Variants in PLCZ1 observed in about 807,000 individuals in gnomAD.
PLCZ1 encodes the protein 1-phosphatidylinositol 4,5-bisphosphate phosphodiesterase zeta-1.
In PLCZ1, 64 loss-of-function variants were observed where a neutral mutation model predicts 76.8. The ratio of observed to expected loss-of-function variants is 0.83; its 90% CI spans 0.68 to 1.03. The LOEUF (loss-of-function observed/expected upper bound fraction) is 1.03, where lower values mean the gene tolerates loss of function less well. PLCZ1 is among the 50% of genes least tolerant of loss of function. PLCZ1 has a pLI of 0.00. For synonymous variants in PLCZ1, 248 were observed against 230.8 expected, an observed-to-expected ratio of 1.07 and a Z score of -0.68; for missense variants, 751 against 713.7, an observed-to-expected ratio of 1.05 and a Z score of -0.60.
intron 4 of PLCZ1, among the ~76,000 whole-genome samples, chr12:18,721,290 A>T (rs5025416): frequency 0.44 from 66,937 of 151,512 alleles, 17,557 homozygotes; most frequent in East Asian, 0.66. Flanking sequence ...TCACATACCA[A>T]TGAGGGATGA....
At chr12:18,691,672 T>C (rs1314369900) in intron 12 of PLCZ1, among the ~76,000 whole-genome samples, 1 of 152,134 alleles carries the variant, frequency 6.6e-6, no homozygotes, top group African/African-American at 2.4e-5. Flanking sequence ...TTTTACCAGA[T>C]CAACTACAAA....
the PLCZ1 span, among the ~76,000 whole-genome samples, chr12:18,675,982 G>C: frequency 6.6e-6 from 1 of 151,592 alleles, no homozygotes; most frequent in African/African-American, 2.4e-5. Context: ...CAGGTAACAA[G>C]CCTGAACATA....
chr12:18,670,602 C>CA, the PLCZ1 span, among the ~76,000 whole-genome samples: 1 of 152,158 alleles, frequency 6.6e-6, no homozygotes, highest in African/African-American at 2.4e-5. Context: ...TTCGTTTCTG[C>CA]ATATAAAGCA....
At chr12:18,649,470 C>A in the PLCZ1 span, among the ~76,000 whole-genome samples, 1 of 152,058 alleles carries the variant, frequency 6.6e-6, no homozygotes, top group Admixed American at 6.6e-5. Flanking sequence ...TTCTGGACAC[C>A]ATGCAACCAT....
chr12:18,699,572 C>A (rs570186862), intron 10 of PLCZ1, among the ~76,000 whole-genome samples: 2 of 152,180 alleles, frequency 1.3e-5, no homozygotes, highest in East Asian at 3.9e-4. Context: ...ATCGGACATT[C>A]TCAATCAAAA....
At chr12:18,728,364 T>G (rs1408643952) in intron 3 of PLCZ1, among the ~76,000 whole-genome samples, 8 of 152,198 alleles carry the variant, frequency 5.3e-5, no homozygotes, top group Admixed American at 6.5e-5. Context: ...ACCTAATCAG[T>G]GTCTACATTA....
At chr12:18,733,695 T>C (rs1252763830) in intron 3 of PLCZ1, among the ~76,000 whole-genome samples, 1 of 152,180 alleles carries the variant, frequency 6.6e-6, no homozygotes, top group Non-Finnish European at 1.5e-5. Context: ...ATATCCAGTT[T>C]TCCCAATGCC....
At chr12:18,695,965 C>G (rs1299047798) in intron 11 of PLCZ1, among the ~76,000 whole-genome samples, 185 bp downstream of exon 11, 3 of 152,084 alleles carry the variant, frequency 2.0e-5, no homozygotes, top group Non-Finnish European at 1.5e-5. Flanking sequence ...ATTTACCCCG[C>G]TTCAACCCAG....
chr12:18,684,214 G>A lies in PLCZ1; in HGVS notation c.1657C>T (p.Arg553Cys), dbSNP rs1424048703. ...IIHVPELALI[R>C]FVVEGQGLIA... The stretch of plus-strand genomic sequence containing the variant: ...AAACCTTGACCTTCAACAACAAAAC[G>A]TATCAATGCCAATTCTGGGACATGA... The change falls in exon 14 of 15, where the codon CGT (arginine) becomes TGT (cysteine). Residue 553 changes from arginine to cysteine, a missense_variant. Arg to Cys is a radical substitution (Grantham distance 180). Transcript: ENST00000266505. 1.1e-5 allele frequency: 17 copies of A among 1,611,576 alleles called. No individual in the cohort carries two copies. Among genetic ancestry groups the A allele is most frequent in the African/African-American group, 9.4e-5 (7 of 74,856 alleles).
At chr12:18,702,785 C>T (rs989091315) in intron 7 of PLCZ1, among the ~76,000 whole-genome samples, 2 of 150,520 alleles carry the variant, frequency 1.3e-5, no homozygotes, top group Admixed American at 6.6e-5. Flanking sequence ...AATTCTTTTA[C>T]ACACAAGGAC....
chr12:18,664,827 A>G, the PLCZ1 span, among the ~76,000 whole-genome samples: 1 of 151,722 alleles, frequency 6.6e-6, no homozygotes, highest in Admixed American at 6.6e-5. Flanking sequence ...CTATGCAGCC[A>G]CAAAAAATGA....
intron 3 of PLCZ1, among the ~76,000 whole-genome samples, chr12:18,730,272 T>G (rs1958970247): frequency 1.3e-5 from 2 of 152,128 alleles, no homozygotes; most frequent in African/African-American, 4.8e-5. Context: ...TTGAAGCAAG[T>G]GAGTTGAATG....
Position 18,723,484 on chromosome 12 carries a change from C to T in PLCZ1, c.194G>A (p.Arg65Gln), listed in dbSNP as rs779427460. The T allele has an allele frequency of 5.0e-6, 8 of 1,612,814 alleles. No homozygotes were observed. Among genetic ancestry groups the T allele is most frequent in the South Asian group, 3.3e-5 (3 of 91,044 alleles). Residue 65 changes from arginine (R) to glutamine (Q), a missense_variant, in exon 4 of 15, where the codon CGA becomes CAA. Transcript: ENST00000266505. ...AATTTCTTCTCTGTGCGTGATAATTCGATAAATTGCTCTAAATTCTTCTAT... is the reference window on the plus strand; with the variant it reads ...AATTTCTTCTCTGTGCGTGATAATTTGATAAATTGCTCTAAATTCTTCTAT... ...ITIEEFRAIY[R>Q]IITHREEIIE...
At chr12:18,723,930 T>G (rs1484907300) in intron 3 of PLCZ1, among the ~76,000 whole-genome samples, 6 of 152,108 alleles carry the variant, frequency 3.9e-5, no homozygotes, top group Admixed American at 2.0e-4. Flanking sequence ...TCAGACACAT[T>G]CAAGATCAAT....
intron 12 of PLCZ1, among the ~76,000 whole-genome samples, chr12:18,694,467 A>G (rs1954640933): frequency 6.6e-6 from 1 of 152,134 alleles, no homozygotes; most frequent in African/African-American, 2.4e-5. Context: ...TCACAGACAT[A>G]TGGGGGGAAG....
At position 18,706,002 on chromosome 12, in the gene PLCZ1, G is replaced by C. The variant is rs1254024893; in HGVS notation, c.715-687C>G. Among the ~76,000 whole-genome samples, 3 of 151,976 alleles carry C rather than the reference G, an allele frequency of 2.0e-5. No individual in the cohort carries two copies. In the South Asian group the frequency reaches 6.2e-4, roughly 32 times the overall value. ...AGCACTTTGGGAGGCCGAGGCGGGT[G>C]GATCACCTGGGGTCAGGAGTTCGAG... is the stretch of plus-strand genomic sequence containing the variant. On this transcript the variant is annotated intron_variant, in intron 6 of 14. Transcript: ENST00000266505.
the PLCZ1 span, among the ~76,000 whole-genome samples, chr12:18,652,683 G>T: frequency 3.3e-5 from 5 of 152,046 alleles, no homozygotes; most frequent in African/African-American, 9.7e-5. Flanking sequence ...ACCAGTACAA[G>T]AAAAGCAAGG....
At chr12:18,710,152 T>A (rs771005150) in intron 6 of PLCZ1, among the ~76,000 whole-genome samples, 2 of 149,490 alleles carry the variant, frequency 1.3e-5, no homozygotes, top group Admixed American at 6.8e-5. Context: ...TAGAAAGCAT[T>A]GCATTTTGTC....
At chr12:18,668,107 T>C in the PLCZ1 span, among the ~76,000 whole-genome samples, 5 of 152,230 alleles carry the variant, frequency 3.3e-5, no homozygotes, top group African/African-American at 1.2e-4. Flanking sequence ...TGTCTTTTTC[T>C]TAGCCCCAAC....
Sources: allele counts gnomAD v4.1 joint callset (sites outside exome capture counted in the v4.1 genomes callset), GRCh38; gene constraint gnomAD v4.1.1; transcripts MANE v1.5; gene names NCBI Gene and HGNC (gene_info 2026-07-23, HGNC 2026-07-21).